The following CSMD3 variants were observed in gnomAD, a reference collection of about 807,000 sequenced individuals.
CSMD3 encodes the protein CUB and sushi domain-containing protein 3.
In CSMD3, 177 loss-of-function variants were observed where a neutral mutation model predicts 435.2. The ratio of observed to expected loss-of-function variants is 0.41; its 90% CI spans 0.36 to 0.46. The LOEUF (loss-of-function observed/expected upper bound fraction) is 0.46. CSMD3 is among the 20% of genes least tolerant of loss of function. The pLI is 0.34. For synonymous variants in CSMD3, 1,656 were observed against 1,520.5 expected, an observed-to-expected ratio of 1.09 and a Z score of -2.07; for missense variants, 4,265 against 4,504.6, an observed-to-expected ratio of 0.95 and a Z score of 1.52.
chr8:113,041,858 T>C (rs2087633978), intron 5 of CSMD3, among the ~76,000 whole-genome samples: 2 of 152,194 alleles, frequency 1.3e-5, no homozygotes, highest in South Asian at 4.1e-4. Flanking sequence ...TTTTAATCAG[T>C]CTGAGATATA....
At chr8:112,723,379 ATT>A (rs1381933560) in intron 13 of CSMD3, among the ~76,000 whole-genome samples, 1 of 152,132 alleles carries the variant, frequency 6.6e-6, no homozygotes, top group Non-Finnish European at 1.5e-5. Flanking sequence ...TTCCATCTAT[ATT>A]TGAAACCAGT....
chr8:112,827,347 A>G (rs891551882), intron 12 of CSMD3, among the ~76,000 whole-genome samples: 14 of 151,452 alleles, frequency 9.2e-5, no homozygotes, highest in African/African-American at 3.4e-4. Flanking sequence ...ATTTTATCCA[A>G]TGCTGAGATG....
chr8:112,274,198 C>G (rs930426525), intron 59 of CSMD3, among the ~76,000 whole-genome samples: 2 of 145,950 alleles, frequency 1.4e-5, no homozygotes, highest in African/African-American at 5.1e-5. Context: ...TCTGAAAGAA[C>G]CAAAAGAAAA....
intron 4 of CSMD3, among the ~76,000 whole-genome samples, chr8:113,171,130 T>G (rs1291157915): frequency 6.6e-6 from 1 of 152,142 alleles, no homozygotes; most frequent in Non-Finnish European, 1.5e-5. Flanking sequence ...GAGGAAATAG[T>G]AACAGGTGCT....
intron 13 of CSMD3, among the ~76,000 whole-genome samples, chr8:112,778,694 T>G (rs1052886547): frequency 3.3e-5 from 5 of 151,986 alleles, no homozygotes; most frequent in Non-Finnish European, 5.9e-5. Flanking sequence ...TTGCGTAAAT[T>G]TCAAGGAGCA....
chr8:113,207,078 C>T (rs2092779135), intron 3 of CSMD3, among the ~76,000 whole-genome samples: 1 of 152,078 alleles, frequency 6.6e-6, no homozygotes, highest in Non-Finnish European at 1.5e-5. Context: ...CATGTATCTG[C>T]ATGTTGGTAA....
intron 11 of CSMD3, among the ~76,000 whole-genome samples, chr8:112,836,765 T>C (rs1463907872): frequency 1.3e-5 from 2 of 151,768 alleles, no homozygotes; most frequent in African/African-American, 4.8e-5. Flanking sequence ...AATAATGCAT[T>C]TGTTATTTAA....
intron 41 of CSMD3, among the ~76,000 whole-genome samples, chr8:112,342,043 G>C (rs551402159): frequency 6.6e-6 from 1 of 152,050 alleles, no homozygotes; most frequent in African/African-American, 2.4e-5. Flanking sequence ...GGCCTAATTT[G>C]TGTTATGGAA....
intron 5 of CSMD3, among the ~76,000 whole-genome samples, chr8:113,071,103 C>T (rs188969976): frequency 6.6e-6 from 1 of 152,006 alleles, no homozygotes; most frequent in African/African-American, 2.4e-5. Flanking sequence ...ACTTCTTGAT[C>T]ATTGGTATGT....
chr8:113,217,244 G>A (rs2092915857), intron 3 of CSMD3, among the ~76,000 whole-genome samples: 1 of 151,194 alleles, frequency 6.6e-6, no homozygotes, highest in African/African-American at 2.4e-5. Flanking sequence ...TTTTTTAAAA[G>A]ACAACATAAT....
chr8:112,235,880 A>G (rs11786836), intron 67 of CSMD3, among the ~76,000 whole-genome samples: 31,268 of 151,898 alleles, frequency 0.21, 3,659 homozygotes, highest in East Asian at 0.36. Context: ...CCATATATAT[A>G]GAAAACTCTT....
chr8:112,333,669 T>C (rs1466111916), intron 45 of CSMD3, among the ~76,000 whole-genome samples: 1 of 147,844 alleles, frequency 6.8e-6, no homozygotes, highest in Non-Finnish European at 1.5e-5. Flanking sequence ...TTCTGTCTCA[T>C]ACACACACAC....
rs756584292 is a variant in CSMD3, at chr8:112,690,007, A to G, written c.2016T>C (p.Tyr672=). The G allele has an allele frequency of 1.2e-6, 2 of 1,613,304 alleles. No homozygotes were observed. The highest frequency in any genetic ancestry group is 1.7e-6 in the Non-Finnish European group (2 of 1,179,444). The change falls in exon 14 of 71, where the codon TAT becomes TAC. Residue 672 remains tyrosine, a synonymous_variant. Coordinates refer to ENST00000297405, the MANE Select transcript of CSMD3 (RefSeq NM_198123.2). ...AAAATCCATCGCCTTCTCTAATTCCATATAAGGGTGTACCAGGATCACCAC... is the reference window on the plus strand; with the variant it reads ...AAAATCCATCGCCTTCTCTAATTCCGTATAAGGGTGTACCAGGATCACCAC... ...ESCGDPGTPL[Y]GIREGDGFSN...
At chr8:112,763,809 C>G (rs1412315644) in intron 13 of CSMD3, among the ~76,000 whole-genome samples, 3 of 150,898 alleles carry the variant, frequency 2.0e-5, no homozygotes, top group African/African-American at 7.3e-5. Flanking sequence ...CAAAATGTAA[C>G]AAGAATACAC....
chr8:112,298,295 G>T (rs560830431), intron 53 of CSMD3, among the ~76,000 whole-genome samples: 3 of 151,870 alleles, frequency 2.0e-5, no homozygotes, highest in Admixed American at 2.0e-4. Flanking sequence ...AAATTTAGAG[G>T]ATTTACATAC....
chr8:112,600,301 C>G (rs1179369164), intron 22 of CSMD3, among the ~76,000 whole-genome samples: 1 of 151,922 alleles, frequency 6.6e-6, no homozygotes, highest in Non-Finnish European at 1.5e-5. Flanking sequence ...ATTTAAAATT[C>G]ACTGAAAAAA....
intron 27 of CSMD3, among the ~76,000 whole-genome samples, chr8:112,547,435 C>T (rs1827278847): frequency 1.3e-5 from 2 of 151,880 alleles, no homozygotes; most frequent in African/African-American, 4.8e-5. Flanking sequence ...GTAGTCCTAG[C>T]TACATGGGGG....
At chr8:112,347,322 A>T (rs1310071710) in intron 40 of CSMD3, among the ~76,000 whole-genome samples, 2 of 152,194 alleles carry the variant, frequency 1.3e-5, no homozygotes, top group African/African-American at 2.4e-5. Context: ...TTTTATTGTT[A>T]GATGAAGAAT....
intron 10 of CSMD3, among the ~76,000 whole-genome samples, chr8:112,894,464 T>C (rs917400458): frequency 2.0e-5 from 3 of 151,404 alleles, no homozygotes; most frequent in Non-Finnish European, 4.4e-5. Flanking sequence ...TAATATCTGA[T>C]TTATAGTACT....
Sources: gnomAD v4.1 joint callset for allele counts (sites outside exome capture counted in the v4.1 genomes callset) on GRCh38, gnomAD v4.1.1 for gene constraint, MANE v1.5 for transcripts, NCBI Gene and HGNC (gene_info 2026-07-23, HGNC 2026-07-21) for gene names.